Variants in CHL1 observed in about 807,000 individuals in gnomAD.
The protein encoded by CHL1 is neural cell adhesion molecule L1-like protein.
CHL1 carries 96 observed loss-of-function variants against 141.9 expected under a neutral mutation model. The observed-to-expected ratio is 0.68, with a 90% confidence interval of 0.57 to 0.80. CHL1 has a LOEUF of 0.80. CHL1 is among the 30% of genes least tolerant of loss of function. CHL1 has a pLI of 0.00. For missense variants in CHL1, 1,820 were observed against 1,457.2 expected, an observed-to-expected ratio of 1.25 and a Z score of -4.05; for synonymous variants, 613 against 502.2, an observed-to-expected ratio of 1.22 and a Z score of -2.95.
Position 383,903 on chromosome 3 carries a change from A to G in CHL1, c.2247+17A>G. ...AAGTGGGAGGTGTGTATTTCTTAAT[A>G]CGTTATGTATTTCTTTGTGCTTTTC... On this transcript the variant is annotated intron_variant, in intron 19 of 27. Coordinates refer to ENST00000256509, the MANE Select transcript of CHL1 (RefSeq NM_006614.4). The G allele has an allele frequency of 1.9e-6, 3 of 1,564,708 alleles. No individual in the cohort carries two copies. Among genetic ancestry groups the G allele is most frequent in the Non-Finnish European group, 1.8e-6 (2 of 1,137,954 alleles).
intron 13 of CHL1, among the ~76,000 whole-genome samples, chr3:362,527 C>T (rs148778752): frequency 1.3e-5 from 2 of 151,864 alleles, no homozygotes; most frequent in Admixed American, 1.3e-4. Context: ...TGTTTGGCAC[C>T]CTGTTAAATT....
At position 329,327 on chromosome 3, in the gene CHL1, A is replaced by G. The variant is rs114304996; in HGVS notation, c.385+973A>G. Among the ~76,000 whole-genome samples the G allele has an allele frequency of 3.9e-3, 588 of 151,862 alleles. 4 individuals are homozygous for G. The highest frequency in any genetic ancestry group is 0.013 in the African/African-American group (525 of 41,258). On this transcript the variant is annotated intron_variant, in intron 5 of 27. Coordinates refer to ENST00000256509, the MANE Select transcript of CHL1 (RefSeq NM_006614.4). Reference sequence around the variant, plus strand: ...GTCCTAGGACTTGCAAAATATGAACACTTGATTCTGGGGGTGCAGAATGGC... The same window carrying G: ...GTCCTAGGACTTGCAAAATATGAACGCTTGATTCTGGGGGTGCAGAATGGC...
At chr3:333,341 A>G (rs1701613702) in intron 5 of CHL1, among the ~76,000 whole-genome samples, 1 of 151,928 alleles carries the variant, frequency 6.6e-6, no homozygotes, top group Admixed American at 6.6e-5. Context: ...TCTTCTCTTA[A>G]ACTGTAGAGA....
chr3:322,645 A>AATATATATATATATATATATATATATAAT (rs4002786), intron 3 of CHL1, among the ~76,000 whole-genome samples: 1 of 130,224 alleles, frequency 7.7e-6, no homozygotes, highest in South Asian at 2.3e-4. Context: ...ATATATATAA[A>AATATATATATATATATATATATATATAAT]ATATATATAT....
At chr3:240,238 G>T (rs1692420828) in intron 1 of CHL1, among the ~76,000 whole-genome samples, 1 of 152,100 alleles carries the variant, frequency 6.6e-6, no homozygotes, top group South Asian at 2.1e-4. Context: ...CCTTTCCATT[G>T]CATCCACACC....
intron 15 of CHL1, among the ~76,000 whole-genome samples, chr3:377,129 G>A (rs906330312): frequency 1.3e-5 from 2 of 152,116 alleles, no homozygotes; most frequent in African/African-American, 4.8e-5. Flanking sequence ...CTCAACAATG[G>A]TACGGGGTAA....
intron 11 of CHL1, among the ~76,000 whole-genome samples, chr3:357,104 A>G (rs951992887): frequency 1.4e-4 from 21 of 152,202 alleles, no homozygotes; most frequent in Non-Finnish European, 4.4e-5. Context: ...CAAGGCTGAA[A>G]ATAAACTTAT....
At chr3:390,849 T>A in intron 21 of CHL1, 33 bp downstream of exon 21, 2 of 1,506,340 alleles carry the variant, frequency 1.3e-6, no homozygotes, top group Admixed American at 3.4e-5. Context: ...CTCTTCTTGT[T>A]GAATTGGTAT....
intron 2 of CHL1, among the ~76,000 whole-genome samples, chr3:278,533 T>C (rs1696356650): frequency 9.9e-5 from 15 of 152,180 alleles, no homozygotes; most frequent in Admixed American, 9.8e-4. Context: ...GGCCAAGAGA[T>C]CTTGTTGCAA....
chr3:366,131 T>G lies in CHL1; in HGVS notation c.1751+16T>G. 6.2e-7 allele frequency: 1 copy of G among 1,608,784 alleles called. No individual in the cohort carries two copies. The highest frequency in any genetic ancestry group is 8.5e-7 in the Non-Finnish European group (1 of 1,177,104). ...AAGATGGCAGGTAGGTAAACTATTA[T>G]GATATGTCATAATATTTGCTTGGGG... is the stretch of plus-strand genomic sequence containing the variant. On this transcript the variant is annotated intron_variant, in intron 15 of 27. Transcript: ENST00000256509.
chr3:278,515 T>A (rs1252459273), intron 2 of CHL1, among the ~76,000 whole-genome samples: 2 of 152,198 alleles, frequency 1.3e-5, no homozygotes, highest in Non-Finnish European at 2.9e-5. Flanking sequence ...CTCAAAGCAA[T>A]GAACCATGGC....
chr3:224,849 C>T (rs908881731), intron 1 of CHL1, among the ~76,000 whole-genome samples: 3 of 152,208 alleles, frequency 2.0e-5, no homozygotes, highest in African/African-American at 7.2e-5. Flanking sequence ...AATTAAACAA[C>T]TCAGAGCCGG....
At chr3:369,949 G>A (rs527699222) in intron 15 of CHL1, among the ~76,000 whole-genome samples, 1 of 152,214 alleles carries the variant, frequency 6.6e-6, no homozygotes, top group African/African-American at 2.4e-5. Flanking sequence ...AGATGAAGCT[G>A]ACTTGTTCAT....
chr3:282,312 T>C (rs1178859195), intron 2 of CHL1, among the ~76,000 whole-genome samples: 1 of 152,250 alleles, frequency 6.6e-6, no homozygotes, highest in Admixed American at 6.5e-5. Flanking sequence ...ATTACTTTTA[T>C]ACTGTGTAAG....
intron 9 of CHL1, among the ~76,000 whole-genome samples, chr3:345,208 T>C (rs1196692169): frequency 6.6e-6 from 1 of 152,028 alleles, no homozygotes; most frequent in Non-Finnish European, 1.5e-5. Context: ...TTGTTGGTAG[T>C]CAGTCCCTCA....
intron 14 of CHL1, among the ~76,000 whole-genome samples, chr3:365,450 C>G (rs1704754001): frequency 6.6e-6 from 1 of 152,202 alleles, no homozygotes; most frequent in Non-Finnish European, 1.5e-5. Flanking sequence ...TGTCATGAAA[C>G]AGTCACAGGC....
intron 10 of CHL1, among the ~76,000 whole-genome samples, chr3:351,525 A>G (rs950758966): frequency 1.1e-4 from 16 of 151,872 alleles, no homozygotes; most frequent in African/African-American, 2.9e-4. Flanking sequence ...TGTTTATTCA[A>G]TTTTTTCTGC....
rs377376081 is a variant in CHL1 at position 340,845 on chromosome 3, G to A, written c.437G>A (p.Gly146Glu). 1.2e-6 allele frequency: 2 copies of A among 1,611,874 alleles called. No homozygotes were observed. Among genetic ancestry groups the A allele is most frequent in the Non-Finnish European group, 8.5e-7 (1 of 1,178,346 alleles). Residue 146 changes from glycine (G) to glutamate (E), a missense_variant, in exon 6 of 28, where the codon GGA becomes GAA. Transcript: ENST00000256509. ...ATTGACCCTCTTGAAGTGGAGGAGG[G>A]AGATCCAATTGTCCTCCCATGCAAT... ...EKIDPLEVEEGDPIVLPCNPP... is the reference protein window; with the variant it reads ...EKIDPLEVEEEDPIVLPCNPP...
intron 2 of CHL1, chr3:309,445 T>TCTTTC: frequency 6.7e-6 from 1 of 148,292 alleles, no homozygotes; most frequent in African/African-American, 2.6e-5. Context: ...TCTTTCTTTC[T>TCTTTC]TTTCTCTTTC....
Sources: allele counts gnomAD v4.1 joint callset (sites outside exome capture counted in the v4.1 genomes callset), GRCh38; gene constraint gnomAD v4.1.1; transcripts MANE v1.5; gene names NCBI Gene and HGNC (gene_info 2026-07-23, HGNC 2026-07-21).